NT5C2: variants seen among roughly 807,000 people sequenced by gnomAD.
NT5C2 encodes the protein cytosolic purine 5'-nucleotidase.
NT5C2 carries 58 observed loss-of-function variants against 76.1 expected under a neutral mutation model. That is an observed-to-expected ratio of 0.76 (90% CI 0.62 to 0.95). The LOEUF (loss-of-function observed/expected upper bound fraction) is 0.95. NT5C2 is among the 40% of genes least tolerant of loss of function. The probability of loss-of-function intolerance (pLI) is 0.00; values close to 1 mark genes in which losing one functional copy is unlikely to be tolerated. For synonymous variants in NT5C2, 229 were observed against 237.4 expected, an observed-to-expected ratio of 0.96 and a Z score of 0.32; for missense variants, 478 against 690.3, an observed-to-expected ratio of 0.69 and a Z score of 3.45.
intron 1 of NT5C2, among the ~76,000 whole-genome samples, chr10:103,189,148 G>A (rs2092394892): frequency 6.6e-6 from 1 of 151,780 alleles, no homozygotes; most frequent in African/African-American, 2.4e-5. Context: ...CATTACAGAT[G>A]CCCAGTGGGA....
At chr10:103,140,744 T>C (rs1466784764) in intron 3 of NT5C2, among the ~76,000 whole-genome samples, 1 of 152,254 alleles carries the variant, frequency 6.6e-6, no homozygotes, top group Non-Finnish European at 1.5e-5. Flanking sequence ...TGAGATGATA[T>C]CTCATTGTGG....
chr10:103,155,576 ACAT>A (rs1386921182), intron 3 of NT5C2, among the ~76,000 whole-genome samples: 1 of 152,104 alleles, frequency 6.6e-6, no homozygotes, highest in African/African-American at 2.4e-5. Context: ...AATGACATAA[ACAT>A]CATGATGTGT....
chr10:103,119,326 G>A (rs963183305), intron 4 of NT5C2, among the ~76,000 whole-genome samples: 6 of 152,026 alleles, frequency 3.9e-5, no homozygotes, highest in Non-Finnish European at 7.4e-5. Context: ...CTGAGATCGC[G>A]CCATTGTACT....
At chr10:103,096,516 A>T (rs1272199105) in intron 11 of NT5C2, among the ~76,000 whole-genome samples, 1 of 152,118 alleles carries the variant, frequency 6.6e-6, no homozygotes, top group Non-Finnish European at 1.5e-5. Context: ...GTTTTTCCAC[A>T]TGCTTTAATC....
chr10:103,090,002 A>G, intron 18 of NT5C2, 94 bp from the exon 19 acceptor site: 1 of 916,646 alleles, frequency 1.1e-6, no homozygotes, highest in South Asian at 1.8e-5. Context: ...GTGGCCATGC[A>G]ATTACATCTA....
chr10:103,089,659 T>C lies in NT5C2; in HGVS notation c.*13A>G. 1 of 1,579,916 alleles carries C rather than the reference T, an allele frequency of 6.3e-7. No individual in the cohort carries two copies. The highest frequency in any genetic ancestry group is 8.6e-7 in the Non-Finnish European group (1 of 1,163,076). On this transcript the variant is annotated 3_prime_UTR_variant, in exon 19 of 19. Transcript: ENST00000404739. ...ACTTGTTTAATGGGTGCTTGGGGTT[T>C]TGGTTTTCCTCCTTATTCTTCCTCC... is the stretch of plus-strand genomic sequence containing the variant.
At chr10:103,154,601 A>G (rs2082999512) in intron 3 of NT5C2, among the ~76,000 whole-genome samples, 1 of 152,100 alleles carries the variant, frequency 6.6e-6, no homozygotes, top group South Asian at 2.1e-4. Context: ...TGAGCGTTTT[A>G]ATCTATAAAA....
At chr10:103,169,940 C>T (rs1165155839) in intron 3 of NT5C2, among the ~76,000 whole-genome samples, 2 of 152,078 alleles carry the variant, frequency 1.3e-5, no homozygotes, top group Non-Finnish European at 2.9e-5. Context: ...GCCTGGCCAA[C>T]ATGGTGAAAC....
intron 10 of NT5C2, chr10:103,098,210 C>T (rs948868237): frequency 7.8e-6 from 3 of 383,118 alleles, no homozygotes; most frequent in African/African-American, 6.6e-5. Context: ...ATTCTTCCTC[C>T]AGTTTCCCTT....
chr10:103,089,947 A>T, intron 18 of NT5C2, 39 bp from the exon 19 acceptor site: 4 of 1,527,920 alleles, frequency 2.6e-6, no homozygotes, highest in Non-Finnish European at 3.5e-6. Flanking sequence ...AAGCAGGCAG[A>T]GCAAAGTAGC....
chr10:103,147,476 T>C (rs2133508106), intron 3 of NT5C2, among the ~76,000 whole-genome samples: 1 of 152,342 alleles, frequency 6.6e-6, no homozygotes, highest in East Asian at 1.9e-4. Context: ...ATATTCTGGT[T>C]GTGCCACAGA....
Position 103,193,219 on chromosome 10 carries a change from G to T in NT5C2, c.-169+17C>A. The T allele has an allele frequency of 6.6e-6, 1 of 152,132 alleles. No homozygotes were observed. Among genetic ancestry groups the T allele is most frequent in the South Asian group, 1.8e-4 (1 of 5,578 alleles). 9.4% of individuals were successfully genotyped at this position (152,132 alleles called of 1,614,324 possible). ...CCCGCTCCTTCCCCGCCCGCCCACG[G>T]GGCCCGCCGCACTCACCGGCTCCAG... On this transcript the variant is annotated intron_variant, in intron 1 of 18. Transcript: ENST00000404739.
chr10:103,182,703 C>A (rs188844993), intron 1 of NT5C2, among the ~76,000 whole-genome samples: 147 of 152,172 alleles, frequency 9.7e-4, no homozygotes, highest in African/African-American at 3.3e-3. Flanking sequence ...TCTAAGAACA[C>A]TGCCCTAAAA....
intron 1 of NT5C2, among the ~76,000 whole-genome samples, chr10:103,185,764 C>T (rs1159073059): frequency 1.3e-5 from 2 of 151,298 alleles, no homozygotes; most frequent in African/African-American, 4.9e-5. Context: ...TGGTTTAGCT[C>T]TTATTTTTCC....
At chr10:103,183,710 A>C (rs1341817282) in intron 1 of NT5C2, among the ~76,000 whole-genome samples, 1 of 151,608 alleles carries the variant, frequency 6.6e-6, no homozygotes, top group Non-Finnish European at 1.5e-5. Context: ...GGGATGAGAA[A>C]TTACCTGATG....
chr10:103,162,505 A>C (rs906331831), intron 3 of NT5C2, among the ~76,000 whole-genome samples: 2 of 152,214 alleles, frequency 1.3e-5, no homozygotes, highest in African/African-American at 4.8e-5. Flanking sequence ...AACCAAAAGG[A>C]GATGCCACTA....
intron 4 of NT5C2, among the ~76,000 whole-genome samples, chr10:103,109,356 C>T (rs2072311395): frequency 6.6e-6 from 1 of 152,068 alleles, no homozygotes; most frequent in African/African-American, 2.4e-5. Flanking sequence ...GGCATGGCAC[C>T]TACTGTTGTA....
chr10:103,107,778 G>A (rs1477597034), intron 4 of NT5C2, among the ~76,000 whole-genome samples: 1 of 152,048 alleles, frequency 6.6e-6, no homozygotes, highest in Non-Finnish European at 1.5e-5. Context: ...CAGGCAATGA[G>A]GGGTTCTCTC....
At position 103,126,846 on chromosome 10, in the gene NT5C2, G is replaced by GTA. The variant is rs565666363; in HGVS notation, c.175+12558_175+12559dup. Among the ~76,000 whole-genome samples, 260 of 152,258 alleles carry GTA rather than the reference G, an allele frequency of 1.7e-3. 1 individual carries two copies. Among genetic ancestry groups the GTA allele is most frequent in the African/African-American group, 5.8e-3 (241 of 41,544 alleles). On this transcript the variant is annotated intron_variant, in intron 4 of 18. Coordinates refer to ENST00000404739, the MANE Select transcript of NT5C2 (RefSeq NM_001351169.2). ...ATTTTTTTGGAGACAAGGTCTTGATGTATCACCCAGGAGGGAGTGCAGTGG... is the reference window on the plus strand; with the variant it reads ...ATTTTTTTGGAGACAAGGTCTTGATGTATATCACCCAGGAGGGAGTGCAGTGG...
Sources: allele counts gnomAD v4.1 joint callset (sites outside exome capture counted in the v4.1 genomes callset), GRCh38; gene constraint gnomAD v4.1.1; transcripts MANE v1.5; gene names NCBI Gene and HGNC (gene_info 2026-07-23, HGNC 2026-07-21).